Variants in HMGA2 observed in about 807,000 individuals in gnomAD.
The protein encoded by HMGA2 is high mobility group AT-hook 2.
HMGA2 carries 8 observed loss-of-function variants against 19.1 expected under a neutral mutation model. The ratio of observed to expected loss-of-function variants is 0.42; its 90% CI spans 0.25 to 0.76. The LOEUF (loss-of-function observed/expected upper bound fraction) is 0.76. Ranked by LOEUF, HMGA2 falls within the 30% of genes least tolerant of loss-of-function variation. The probability of loss-of-function intolerance (pLI) is 0.28; values close to 1 mark genes in which losing one functional copy is unlikely to be tolerated. For synonymous variants in HMGA2, 60 were observed against 48.8 expected (o/e 1.23, Z -0.96); for missense variants, 109 against 136.3 (o/e 0.80, Z 1.00).
intron 3 of HMGA2, among the ~76,000 whole-genome samples, chr12:65,843,694 A>ACACACAAG (rs1283786130): frequency 1.3e-5 from 2 of 150,468 alleles, no homozygotes; most frequent in Admixed American, 6.6e-5. Flanking sequence ...ACACACACAC[A>ACACACAAG]CACAAGCACA....
chr12:65,941,277 A>T (rs557135284), intron 3 of HMGA2, among the ~76,000 whole-genome samples: 1 of 152,214 alleles, frequency 6.6e-6, no homozygotes, highest in African/African-American at 2.4e-5. Flanking sequence ...AGGAAAGGTC[A>T]TCAATCCAGA....
At chr12:65,890,826 C>T (rs531070030) in intron 3 of HMGA2, among the ~76,000 whole-genome samples, 2 of 151,862 alleles carry the variant, frequency 1.3e-5, no homozygotes, top group African/African-American at 4.8e-5. Flanking sequence ...CCAGTACAAG[C>T]GATTCTCCTG....
chr12:65,919,712 C>T (rs1346226089), intron 3 of HMGA2, among the ~76,000 whole-genome samples: 2 of 152,194 alleles, frequency 1.3e-5, no homozygotes, highest in South Asian at 2.1e-4. Flanking sequence ...CCATCAATAC[C>T]ACTGAAGGAC....
intron 2 of HMGA2, among the ~76,000 whole-genome samples, chr12:65,836,374 A>G (rs954643234): frequency 2.6e-5 from 4 of 152,064 alleles, no homozygotes; most frequent in Non-Finnish European, 5.9e-5. Context: ...GAAAAAAAAA[A>G]AAAAAGAAAA....
intron 3 of HMGA2, among the ~76,000 whole-genome samples, chr12:65,873,439 A>G (rs1257663635): frequency 1.3e-5 from 2 of 151,776 alleles, no homozygotes; most frequent in South Asian, 2.1e-4. Flanking sequence ...ATGGCTATAG[A>G]TAGTCATTCA....
chr12:65,943,484 T>A (rs929970265), intron 3 of HMGA2, among the ~76,000 whole-genome samples: 2 of 152,214 alleles, frequency 1.3e-5, no homozygotes, highest in African/African-American at 2.4e-5. Flanking sequence ...GCTATTCTCA[T>A]CCTTGAGCAG....
At position 65,934,587 on chromosome 12, in the gene HMGA2, A is replaced by G. The variant is rs373501468; in HGVS notation, c.250-16796A>G. Among the ~76,000 whole-genome samples, 52 of 152,294 alleles carry G rather than the reference A, an allele frequency of 3.4e-4. 1 individual carries two copies. Among genetic ancestry groups the G allele is most frequent in the African/African-American group, 1.2e-3 (51 of 41,558 alleles). Reference sequence around the variant, plus strand: ...CAAATCATACCTCCATTTTCTCTATAAAGGCTGTTGGTACACCCACAAATG... The same window carrying G: ...CAAATCATACCTCCATTTTCTCTATGAAGGCTGTTGGTACACCCACAAATG... On this transcript the variant is annotated intron_variant, in intron 3 of 4. Coordinates refer to ENST00000403681, the MANE Select transcript of HMGA2 (RefSeq NM_003483.6).
chr12:65,838,481 A>C (rs1565702860), intron 2 of HMGA2, 38 bp from the exon 3 acceptor site: 3 of 1,528,554 alleles, frequency 2.0e-6, no homozygotes, highest in Non-Finnish European at 2.7e-6. Flanking sequence ...AAACAATGTC[A>C]GGTAGAAAAC....
intron 4 of HMGA2, chr12:65,952,504 A>T: frequency 6.7e-7 from 1 of 1,493,218 alleles, no homozygotes; most frequent in Non-Finnish European, 8.9e-7. Context: ...ATGAGCTTTA[A>T]GTGGAATAAA....
chr12:65,839,016 T>G, intron 3 of HMGA2, among the ~76,000 whole-genome samples: 1 of 150,792 alleles, frequency 6.6e-6, no homozygotes, highest in African/African-American at 2.5e-5. Context: ...TTTTTGGTTT[T>G]CTCCATGGCT....
intron 3 of HMGA2, among the ~76,000 whole-genome samples, chr12:65,889,150 T>C (rs919629200): frequency 6.6e-6 from 1 of 152,248 alleles, no homozygotes; most frequent in African/African-American, 2.4e-5. Context: ...CTGAACTTTA[T>C]GACCCTTGTC....
At chr12:65,933,671 T>C (rs1875794253) in intron 3 of HMGA2, among the ~76,000 whole-genome samples, 1 of 152,214 alleles carries the variant, frequency 6.6e-6, no homozygotes, top group African/African-American at 2.4e-5. Flanking sequence ...AAATTATGGT[T>C]GACTGAAAGA....
At chr12:65,910,799 T>C (rs1874811464) in intron 3 of HMGA2, among the ~76,000 whole-genome samples, 1 of 152,210 alleles carries the variant, frequency 6.6e-6, no homozygotes, top group African/African-American at 2.4e-5. Context: ...CTTATATGTG[T>C]CCTTTTGACT....
chr12:65,824,464 A>C (rs1870003428), upstream of HMGA2: 1 of 225,372 alleles, frequency 4.4e-6, no homozygotes, highest in Non-Finnish European at 8.7e-6. Flanking sequence ...ATCCCACTTG[A>C]ATCTTGGGGC....
intron 3 of HMGA2, among the ~76,000 whole-genome samples, chr12:65,892,878 A>G (rs1186542416): frequency 1.3e-5 from 2 of 152,134 alleles, no homozygotes; most frequent in Admixed American, 1.3e-4. Flanking sequence ...GCACAATTAT[A>G]AATGTGTAGC....
chr12:65,839,692 C>T (rs1870909334), intron 3 of HMGA2, among the ~76,000 whole-genome samples: 1 of 152,128 alleles, frequency 6.6e-6, no homozygotes, highest in Admixed American at 6.6e-5. Flanking sequence ...TAAAATGTGA[C>T]CTTAAAGTAA....
Position 65,910,733 on chromosome 12 carries a change from T to G in HMGA2, c.250-40650T>G, listed in dbSNP as rs1035290148. Among the ~76,000 whole-genome samples the G allele has an allele frequency of 3.9e-5, 6 of 152,176 alleles. 1 individual carries two copies. Among genetic ancestry groups the G allele is most frequent in the Non-Finnish European group, 8.8e-5 (6 of 68,028 alleles). ...CTTTTTAAAACATCTTATTAGTTCT[T>G]GGAGTACTGTCCAACTGAAACTGAA... On this transcript the variant is annotated intron_variant, in intron 3 of 4. Coordinates refer to ENST00000403681, the MANE Select transcript of HMGA2 (RefSeq NM_003483.6).
intron 4 of HMGA2, chr12:65,952,078 A>G: frequency 3.0e-6 from 1 of 337,426 alleles, no homozygotes; most frequent in Non-Finnish European, 5.4e-6. Flanking sequence ...TTGAGGAAGC[A>G]TATCTTGAAG....
intron 3 of HMGA2, among the ~76,000 whole-genome samples, chr12:65,887,509 T>C (rs1873707688): frequency 6.6e-6 from 1 of 151,970 alleles, no homozygotes; most frequent in African/African-American, 2.4e-5. Flanking sequence ...TCACTTGAGG[T>C]CAGGAGTTCG....
Sources: gnomAD v4.1 joint callset for allele counts (sites outside exome capture counted in the v4.1 genomes callset) on GRCh38, gnomAD v4.1.1 for gene constraint, MANE v1.5 for transcripts, NCBI Gene and HGNC (gene_info 2026-07-23, HGNC 2026-07-21) for gene names.